The following CTSE variants were observed in gnomAD, a reference collection of about 807,000 sequenced individuals.
CTSE encodes the protein cathepsin E, also known as erythrocyte membrane aspartic proteinase.
A neutral mutation model predicts 42.8 loss-of-function variants in CTSE; 43 were observed. The observed-to-expected ratio is 1.01, with a 90% CI of 0.79 to 1.30. CTSE has a LOEUF of 1.30. Among genes scored for constraint, CTSE ranks in the 50% most tolerant of loss-of-function variants. The probability of loss-of-function intolerance (pLI) is 0.00; values close to 1 mark genes in which losing one functional copy is unlikely to be tolerated. For synonymous variants in CTSE, 205 were observed against 191.5 expected (o/e 1.07, Z -0.58); for missense variants, 532 against 493.5 (o/e 1.08, Z -0.74).
Position 206,015,425 on chromosome 1 carries a change from A to T in CTSE, c.662+506T>A, listed in dbSNP as rs1381492326. Among the ~76,000 whole-genome samples the T allele has an allele frequency of 3.3e-5, 5 of 152,126 alleles. No homozygotes were observed. In the East Asian group the frequency reaches 9.6e-4, roughly 29 times the overall value. ...TGACTAGCTTATTTCACTTAGCATTATGTCCTCAAGTTTCTTCTATGTTGT... is the reference window on the plus strand; with the variant it reads ...TGACTAGCTTATTTCACTTAGCATTTTGTCCTCAAGTTTCTTCTATGTTGT... On this transcript the variant is annotated intron_variant, in intron 5 of 8. Transcript: ENST00000358184.
Position 206,009,800 on chromosome 1 carries a change from GT to G in CTSE, c.*382del. The G allele has an allele frequency of 4.0e-6, 1 of 248,228 alleles. No individual in the cohort carries two copies. Among genetic ancestry groups the G allele is most frequent in the South Asian group, 5.2e-5 (1 of 19,150 alleles). 15.4% of individuals were successfully genotyped at this position (248,228 alleles called of 1,614,324 possible). ...AGTGTAGATAAACAGGCCTGGCCGT[GT>G]GTGGATGGGTTGTCAGGGCTGAGTG... On this transcript the variant is annotated 3_prime_UTR_variant, in exon 9 of 9. Coordinates refer to ENST00000358184, the MANE Select transcript of CTSE (RefSeq NM_001910.4).
At chr1:206,020,929 T>C in intron 4 of CTSE, 120 bp downstream of exon 4, 1 of 731,932 alleles carries the variant, frequency 1.4e-6, no homozygotes, top group Non-Finnish European at 2.4e-6. Context: ...CCCTTTCTCC[T>C]AGAAGTTAGT....
At chr1:206,013,162 T>C (rs1661164487) in intron 6 of CTSE, among the ~76,000 whole-genome samples, 1 of 152,088 alleles carries the variant, frequency 6.6e-6, no homozygotes, top group South Asian at 2.1e-4. Flanking sequence ...GAACTACACT[T>C]TTCCAATTCC....
intron 4 of CTSE, among the ~76,000 whole-genome samples, chr1:206,018,731 T>C (rs998504941): frequency 1.3e-5 from 2 of 152,148 alleles, no homozygotes; most frequent in African/African-American, 4.8e-5. Flanking sequence ...ATGTTCTCTT[T>C]CTCATTTCTA....
At chr1:206,018,107 C>T (rs1661312113) in intron 4 of CTSE, among the ~76,000 whole-genome samples, 1 of 151,838 alleles carries the variant, frequency 6.6e-6, no homozygotes, top group African/African-American at 2.4e-5. Flanking sequence ...TAGATGAAGT[C>T]CTTCATTTTT....
intron 4 of CTSE, 109 bp downstream of exon 4, chr1:206,020,940 G>A: frequency 1.3e-6 from 1 of 799,114 alleles, no homozygotes; most frequent in Non-Finnish European, 2.1e-6. Flanking sequence ...AGAAGTTAGT[G>A]CTAACCCCTG....
chr1:206,010,812 C>T (rs1553276851), intron 8 of CTSE, among the ~76,000 whole-genome samples: 1 of 152,070 alleles, frequency 6.6e-6, no homozygotes. Flanking sequence ...TGTTGATGTT[C>T]TGGAAACAAA....
At chr1:206,021,235 C>A in intron 3 of CTSE, 68 bp from the exon 4 acceptor site, 1 of 1,240,164 alleles carries the variant, frequency 8.1e-7, no homozygotes, top group African/African-American at 1.5e-5. Flanking sequence ...CCTAATGCCA[C>A]CCAGCCCCAC....
In CTSE at chr1:206,010,213, G is replaced by A; in HGVS notation, c.1161C>T (p.Asn387=). 1 of 1,613,824 alleles carries A rather than the reference G, an allele frequency of 6.2e-7. No individual in the cohort carries two copies. Among genetic ancestry groups the A allele is most frequent in the African/African-American group, 1.3e-5 (1 of 75,030 alleles). Residue 387 remains asparagine (N), a synonymous_variant, in exon 9 of 9, where the codon AAC becomes AAT. Coordinates refer to ENST00000358184, the MANE Select transcript of CTSE (RefSeq NM_001910.4). ...GGACTGCTGGGGCCAGTCCCACACG[G>A]TTATTCCCACGGTCAAAGACTGAGT... ...QFYSVFDRGN[N]RVGLAPAVP
chr1:206,014,517 G>A (rs1403751352), intron 5 of CTSE, among the ~76,000 whole-genome samples: 1 of 152,104 alleles, frequency 6.6e-6, no homozygotes, highest in Non-Finnish European at 1.5e-5. Flanking sequence ...AGGGAGAGGA[G>A]TGAATACCTG....
chr1:206,013,224 C>T (rs782363316), intron 6 of CTSE, among the ~76,000 whole-genome samples: 2 of 152,038 alleles, frequency 1.3e-5, no homozygotes, highest in Non-Finnish European at 2.9e-5. Context: ...GTCCCACTTC[C>T]CCAATTGCTT....
chr1:206,017,446 G>A lies in CTSE; in HGVS notation c.463-1316C>T, dbSNP rs555199946. Among the ~76,000 whole-genome samples the A allele has an allele frequency of 2.6e-4, 39 of 151,896 alleles. 1 individual carries two copies. Among genetic ancestry groups the A allele is most frequent in the Non-Finnish European group, 4.7e-4 (32 of 67,974 alleles). ...AAAATTTGAAATCTAAAAGGCTTCC[G>A]GTCCCAAGCATTTGGGATAAGGATC... On this transcript the variant is annotated intron_variant, in intron 4 of 8. Transcript: ENST00000358184.
chr1:206,022,111 C>A (rs782513201), intron 3 of CTSE, 39 bp downstream of exon 3: 1 of 1,437,286 alleles, frequency 7.0e-7, no homozygotes, highest in Non-Finnish European at 9.6e-7. Context: ...CAGGACTAGC[C>A]CCCAGACATT....
chr1:206,010,083 T>C lies in CTSE; in HGVS notation c.*100A>G. On this transcript the variant is annotated 3_prime_UTR_variant, in exon 9 of 9. Transcript: ENST00000358184. ...TTCAAGTTGCAACCCTGGAAACAGCTACATTCTCTGGAAAATAACTTTTTG... is the reference window on the plus strand; with the variant it reads ...TTCAAGTTGCAACCCTGGAAACAGCCACATTCTCTGGAAAATAACTTTTTG... 4 of 1,477,946 alleles carry C rather than the reference T, an allele frequency of 2.7e-6. No individual in the cohort carries two copies. The highest frequency in any genetic ancestry group is 3.8e-6 in the Non-Finnish European group (4 of 1,061,854). 91.6% of individuals were successfully genotyped at this position (1,477,946 alleles called of 1,614,324 possible).
intron 4 of CTSE, 28 bp from the exon 5 acceptor site, chr1:206,016,158 A>G (rs1661258138): frequency 6.2e-7 from 1 of 1,604,084 alleles, no homozygotes; most frequent in Non-Finnish European, 8.5e-7. Flanking sequence ...ACAGGAGAAC[A>G]GGAGAATGGC....
intron 5 of CTSE, 57 bp from the exon 6 acceptor site, chr1:206,013,951 G>T (rs1346354708): frequency 6.3e-7 from 1 of 1,592,036 alleles, no homozygotes; most frequent in Non-Finnish European, 8.6e-7. Flanking sequence ...CTCTAGGGGT[G>T]AGCCTCAGCT....
intron 5 of CTSE, among the ~76,000 whole-genome samples, chr1:206,015,211 C>G (rs1258882073): frequency 1.7e-4 from 26 of 152,140 alleles, no homozygotes; most frequent in African/African-American, 6.0e-4. Flanking sequence ...TATGTTCACA[C>G]TGTTGTAAAA....
chr1:206,013,737 C>T, intron 6 of CTSE, 35 bp downstream of exon 6: 2 of 1,608,604 alleles, frequency 1.2e-6, no homozygotes, highest in South Asian at 1.1e-5. Flanking sequence ...TCAGTTTACC[C>T]CTAGTACTGT....
At chr1:206,023,639 C>G in intron 1 of CTSE, 85 bp downstream of exon 1, 1 of 1,295,782 alleles carries the variant, frequency 7.7e-7, no homozygotes, top group Non-Finnish European at 1.1e-6. Flanking sequence ...CTTCACCTCC[C>G]CATCAGCTTT....
Sources: allele counts gnomAD v4.1 joint callset (sites outside exome capture counted in the v4.1 genomes callset), GRCh38; gene constraint gnomAD v4.1.1; transcripts MANE v1.5; gene names NCBI Gene and HGNC (gene_info 2026-07-23, HGNC 2026-07-21).